The following CPQ variants were observed in gnomAD, a reference collection of about 807,000 sequenced individuals.
CPQ encodes the protein carboxypeptidase Q.
Under a neutral mutation model 45.7 loss-of-function variants are expected in CPQ, and 37 were observed. That is an observed-to-expected ratio of 0.81 (90% CI 0.62 to 1.07). The LOEUF is 1.07. Among genes scored for constraint, CPQ ranks in the 50% least tolerant of loss-of-function variants. The pLI, the probability that CPQ is intolerant of heterozygous loss-of-function variation, is 0.00. For synonymous variants in CPQ, 186 were observed against 205.8 expected, an observed-to-expected ratio of 0.90 and a Z score of 0.82; for missense variants, 537 against 572.9, an observed-to-expected ratio of 0.94 and a Z score of 0.64.
intron 2 of CPQ, among the ~76,000 whole-genome samples, chr8:96,790,562 C>A (rs1810833146): frequency 6.6e-6 from 1 of 152,096 alleles, no homozygotes; most frequent in South Asian, 2.1e-4. Context: ...GTCTGTCCTT[C>A]CAAAGGTGAA....
chr8:96,750,891 G>T (rs2130785471), intron 1 of CPQ, among the ~76,000 whole-genome samples: 1 of 152,168 alleles, frequency 6.6e-6, no homozygotes, highest in East Asian at 1.9e-4. Context: ...GTGGTGTTTG[G>T]TTTTCTGTTC....
chr8:96,681,485 C>T (rs1027157745), intron 1 of CPQ, among the ~76,000 whole-genome samples: 5 of 152,202 alleles, frequency 3.3e-5, no homozygotes, highest in African/African-American at 7.2e-5. Context: ...GTTTGGGAAC[C>T]TCTTCCTAGA....
chr8:96,781,782 CA>C (rs1319627327), intron 1 of CPQ, among the ~76,000 whole-genome samples: 1 of 152,190 alleles, frequency 6.6e-6, no homozygotes, highest in Non-Finnish European at 1.5e-5. Flanking sequence ...TGAAATTATA[CA>C]AGTTATCTAT....
At chr8:96,969,594 C>A (rs1468647418) in intron 5 of CPQ, among the ~76,000 whole-genome samples, 1 of 151,506 alleles carries the variant, frequency 6.6e-6, no homozygotes, top group Non-Finnish European at 1.5e-5. Flanking sequence ...ATGAACAGTG[C>A]AGAATGAAGT....
intron 3 of CPQ, among the ~76,000 whole-genome samples, chr8:96,868,865 C>T (rs541923380): frequency 9.2e-5 from 14 of 151,780 alleles, no homozygotes; most frequent in African/African-American, 2.4e-4. Flanking sequence ...AATTGAACAC[C>T]GTAATTTATA....
intron 4 of CPQ, among the ~76,000 whole-genome samples, chr8:96,888,504 G>C (rs1025660473): frequency 6.6e-6 from 1 of 152,184 alleles, no homozygotes; most frequent in African/African-American, 2.4e-5. Context: ...GCAACAAGAC[G>C]TCATGGAAGC....
chr8:96,929,593 G>C (rs1382468372), intron 4 of CPQ, among the ~76,000 whole-genome samples: 1 of 152,080 alleles, frequency 6.6e-6, no homozygotes, highest in Non-Finnish European at 1.5e-5. Context: ...GTTCAGCATT[G>C]CTCAAAACAT....
At chr8:97,019,248 A>G (rs1019651191) in intron 5 of CPQ, among the ~76,000 whole-genome samples, 2 of 152,228 alleles carry the variant, frequency 1.3e-5, no homozygotes, top group African/African-American at 2.4e-5. Context: ...CTTGAAACAA[A>G]TCCTGGAAAC....
At chr8:97,115,849 T>C (rs76232583) in intron 7 of CPQ, among the ~76,000 whole-genome samples, 3,566 of 152,366 alleles carry the variant, frequency 0.023, 68 homozygotes, top group Non-Finnish European at 0.036. Flanking sequence ...GTTTCTACTT[T>C]AAAAATCAGG....
At chr8:96,729,306 A>G (rs910704039) in intron 1 of CPQ, among the ~76,000 whole-genome samples, 4 of 152,154 alleles carry the variant, frequency 2.6e-5, no homozygotes, top group Admixed American at 6.5e-5. Context: ...TGGAGGATGG[A>G]TAAAAGGGCA....
At chr8:96,650,403 A>G (rs1815564604) in intron 1 of CPQ, among the ~76,000 whole-genome samples, 1 of 152,250 alleles carries the variant, frequency 6.6e-6, no homozygotes, top group Admixed American at 6.5e-5. Flanking sequence ...ATAGCGCCTT[A>G]TATTTAAAAA....
chr8:96,916,397 T>A (rs560063296), intron 4 of CPQ, among the ~76,000 whole-genome samples: 1 of 152,266 alleles, frequency 6.6e-6, no homozygotes, highest in South Asian at 2.1e-4. Flanking sequence ...CTTTATTTCT[T>A]CCCAGAGTTT....
chr8:96,990,692 C>G (rs930817960), intron 5 of CPQ, among the ~76,000 whole-genome samples: 3 of 152,136 alleles, frequency 2.0e-5, no homozygotes, highest in Non-Finnish European at 2.9e-5. Flanking sequence ...CTCTCAAAGC[C>G]CTTACCAATA....
intron 5 of CPQ, among the ~76,000 whole-genome samples, chr8:97,016,227 T>G (rs1203328328): frequency 1.3e-5 from 2 of 152,210 alleles, no homozygotes; most frequent in Non-Finnish European, 2.9e-5. Context: ...GTTGATGTAT[T>G]AAATTTTGAG....
chr8:96,919,169 G>A (rs1323998319), intron 4 of CPQ, among the ~76,000 whole-genome samples: 2 of 151,828 alleles, frequency 1.3e-5, no homozygotes, highest in Admixed American at 1.3e-4. Context: ...AGGTGATTGT[G>A]GAAAGAAAAG....
At chr8:96,759,584 A>G (rs1171785925) in intron 1 of CPQ, among the ~76,000 whole-genome samples, 1 of 152,176 alleles carries the variant, frequency 6.6e-6, no homozygotes, top group Non-Finnish European at 1.5e-5. Context: ...TCTCTCACAG[A>G]GTGCTTTTAT....
At chr8:97,017,260 G>C (rs1022767076) in intron 5 of CPQ, among the ~76,000 whole-genome samples, 11 of 152,190 alleles carry the variant, frequency 7.2e-5, no homozygotes, top group African/African-American at 2.4e-4. Flanking sequence ...GTCCCTGTGG[G>C]CTCGCTGGCT....
chr8:96,858,591 A>AG (rs1811885463), intron 3 of CPQ, among the ~76,000 whole-genome samples: 1 of 152,152 alleles, frequency 6.6e-6, no homozygotes. Flanking sequence ...CCTGCCCACC[A>AG]GTCTCTCTCC....
chr8:97,064,116 A>G (rs187577076), intron 6 of CPQ, among the ~76,000 whole-genome samples: 2 of 152,272 alleles, frequency 1.3e-5, no homozygotes, highest in Non-Finnish European at 2.9e-5. Context: ...TAACCTACAC[A>G]GTACATGACT....
Sources: allele counts gnomAD v4.1 joint callset (sites outside exome capture counted in the v4.1 genomes callset), GRCh38; gene constraint gnomAD v4.1.1; transcripts MANE v1.5; gene names NCBI Gene and HGNC (gene_info 2026-07-23, HGNC 2026-07-21).